Variants in MLH3 observed in about 807,000 individuals in gnomAD.
MLH3 encodes the protein DNA mismatch repair protein Mlh3.
In MLH3, 82 loss-of-function variants were observed where a neutral mutation model predicts 122.2. The observed-to-expected ratio is 0.67, with a 90% CI of 0.56 to 0.81. MLH3 has a LOEUF of 0.81. Ranked by LOEUF, MLH3 falls within the 30% of genes least tolerant of loss-of-function variation. MLH3 has a pLI of 0.00. For missense variants in MLH3, 1,539 were observed against 1,714.5 expected (o/e 0.90, Z 1.81); for synonymous variants, 524 against 599.5 (o/e 0.87, Z 1.84).
Position 75,048,694 on chromosome 14 carries a change from A to G in MLH3, c.962T>C (p.Met321Thr), listed in dbSNP as rs1004768761. ...QCQFCEYDVC[M>T]EPAKTLIEFQ... ...TTCAATCAGAGTTTTGGCTGGCTCC[A>G]TGCACACATCATACTCACAGAATTG... is the stretch of plus-strand genomic sequence containing the variant. Residue 321 changes from methionine to threonine, a missense_variant, in exon 2 of 13, where the codon ATG becomes ACG. Met to Thr is a moderately conservative substitution (Grantham distance 81, BLOSUM62 -1). Transcript: ENST00000355774. The G allele has an allele frequency of 5.6e-6, 9 of 1,614,078 alleles. No individual in the cohort carries two copies. The Admixed American group carries it at 6.7e-5, about 12-fold the overall frequency.
intron 8 of MLH3, 105 bp downstream of exon 8, chr14:75,031,963 T>A: frequency 1.2e-6 from 1 of 821,724 alleles, no homozygotes; most frequent in Non-Finnish European, 2.1e-6. Flanking sequence ...TCTTGTAACC[T>A]CTCTTGGTCT....
At position 75,048,293 on chromosome 14, in the gene MLH3, CT is replaced by C; in HGVS notation, c.1362del (p.Glu455SerfsTer17). ...ESGGPGHSKM[T>X]EPSLQNKDSS... is the part of the protein sequence containing the mutation. Reference sequence around the variant, plus strand: ...CTGTCTTTGTTTTGTAAAGATGGCTCTGTCATTTTGCTATGGCCTGGACCAC... The same window carrying C: ...CTGTCTTTGTTTTGTAAAGATGGCTCGTCATTTTGCTATGGCCTGGACCAC... On this transcript the variant is annotated frameshift_variant, in exon 2 of 13. Transcript: ENST00000355774. LOFTEE classifies it high-confidence loss of function. The C allele has an allele frequency of 6.2e-7, 1 of 1,614,044 alleles. No homozygotes were observed. Among genetic ancestry groups the C allele is most frequent in the Non-Finnish European group, 8.5e-7 (1 of 1,180,020 alleles).
At position 75,048,399 on chromosome 14, in the gene MLH3, G is replaced by A. The variant is rs1594781328; in HGVS notation, c.1257C>T (p.Asn419=). The change falls in exon 2 of 13, where the codon AAC becomes AAT. Residue 419 remains asparagine, a synonymous_variant. Transcript: ENST00000355774. The part of the protein sequence containing the change: ...KAVKRKTTAE[N]VNTQSSRDSE... ...AATCCCTAGAACTCTGTGTGTTTAC[G>A]TTTTCTGCAGTAGTTTTTCTTTTCA... 18 of 1,608,546 alleles carry A rather than the reference G, an allele frequency of 1.1e-5. No individual in the cohort carries two copies. Among genetic ancestry groups the A allele is most frequent in the African/African-American group, 1.3e-5 (1 of 74,468 alleles).
At chr14:75,023,079 G>A in intron 9 of MLH3, 61 bp from the exon 10 acceptor site, 4 of 1,577,344 alleles carry the variant, frequency 2.5e-6, no homozygotes, top group Non-Finnish European at 3.5e-6. Flanking sequence ...CCCTTTGATA[G>A]TTTACAAAAT....
Position 75,015,943 on chromosome 14 carries a change from A to C in MLH3, c.*1139T>G. 1 of 231,874 alleles carries C rather than the reference A, an allele frequency of 4.3e-6. No individual in the cohort carries two copies. 14.4% of individuals were successfully genotyped at this position (231,874 alleles called of 1,614,324 possible). On this transcript the variant is annotated 3_prime_UTR_variant, in exon 13 of 13. Coordinates refer to ENST00000355774, the MANE Select transcript of MLH3 (RefSeq NM_001040108.2). ...GCTGGTCAGGAAATACAAAAGTAGA[A>C]ATTCTCATTGCATCATCTTACTAAT...
chr14:75,033,750 T>C (rs1460576205), intron 6 of MLH3, among the ~76,000 whole-genome samples: 1 of 152,236 alleles, frequency 6.6e-6, no homozygotes, highest in Non-Finnish European at 1.5e-5. Flanking sequence ...CTTTATACTC[T>C]TGCCCCCACC....
At position 75,048,553 on chromosome 14, in the gene MLH3, T is replaced by G; in HGVS notation, c.1103A>C (p.Asp368Ala). Residue 368 changes from aspartate to alanine, a missense_variant, in exon 2 of 13, where the codon GAT (aspartate) becomes GCT (alanine). Physicochemically the swap from Asp to Ala is moderately radical, Grantham distance 126. Coordinates refer to ENST00000355774, the MANE Select transcript of MLH3 (RefSeq NM_001040108.2). ...SGEDIKEFSE[D>A]NGFSLFDATL... ...AGCATCAAATAAACTAAAACCATTA[T>G]CTTCACTAAATTCCTTAATATCCTC... The G allele has an allele frequency of 6.2e-7, 1 of 1,613,394 alleles. No homozygotes were observed. Among genetic ancestry groups the G allele is most frequent in the African/African-American group, 1.3e-5 (1 of 74,976 alleles).
rs1889900637 is a variant in MLH3 at position 75,016,598 on chromosome 14, G to A, written c.*484C>T. The stretch of plus-strand genomic sequence containing the variant: ...ATGTAGCACATGAAGCAGCAGCATA[G>A]GGAAGTGAAGAAGACTGAAGGGAAA... On this transcript the variant is annotated 3_prime_UTR_variant, in exon 13 of 13. Transcript: ENST00000355774. The A allele has an allele frequency of 4.2e-6, 1 of 239,150 alleles. No individual in the cohort carries two copies. The highest frequency in any genetic ancestry group is 2.3e-5 in the African/African-American group (1 of 44,154). 14.8% of individuals were successfully genotyped at this position (239,150 alleles called of 1,614,324 possible).
chr14:75,017,038 A>G lies in MLH3; in HGVS notation c.*44T>C, dbSNP rs1157764136. On this transcript the variant is annotated 3_prime_UTR_variant, in exon 13 of 13. Transcript: ENST00000355774. ...GCTGCTGCTCTCTGCTCAGAGGCAT[A>G]CAGTGAACATCCCTTTGTTCCTTTT... 6.2e-7 allele frequency: 1 copy of G among 1,608,886 alleles called. No homozygotes were observed. Among genetic ancestry groups the G allele is most frequent in the Non-Finnish European group, 8.5e-7 (1 of 1,176,660 alleles).
Position 75,013,827 on chromosome 14 carries a change from G to A in MLH3, c.*3255C>T, listed in dbSNP as rs1889764516. ...GATTCTTCAGCATTTTGTTTTCACA[G>A]ACTCCCTTCTTTTCCCCTCTTCTGG... On this transcript the variant is annotated 3_prime_UTR_variant, in exon 13 of 13. Coordinates refer to ENST00000355774, the MANE Select transcript of MLH3 (RefSeq NM_001040108.2). The A allele has an allele frequency of 4.4e-6, 1 of 225,014 alleles. No individual in the cohort carries two copies. The highest frequency in any genetic ancestry group is 2.2e-5 in the African/African-American group (1 of 44,982). 13.9% of individuals were successfully genotyped at this position (225,014 alleles called of 1,614,324 possible).
chr14:75,038,060 C>T (rs1891543224), intron 6 of MLH3, among the ~76,000 whole-genome samples: 1 of 152,144 alleles, frequency 6.6e-6, no homozygotes, highest in Non-Finnish European at 1.5e-5. Context: ...CCACCATGCC[C>T]AGCTAATTTT....
intron 9 of MLH3, among the ~76,000 whole-genome samples, chr14:75,024,361 C>G (rs1275327877): frequency 6.6e-6 from 1 of 151,992 alleles, no homozygotes; most frequent in African/African-American, 2.4e-5. Flanking sequence ...ACCACCACGC[C>G]TGGCTAATTT....
chr14:75,031,576 G>A (rs1891050917), intron 8 of MLH3, among the ~76,000 whole-genome samples: 1 of 152,230 alleles, frequency 6.6e-6, no homozygotes, highest in South Asian at 2.1e-4. Flanking sequence ...ACTTTGGGAG[G>A]CCAAAGTGGG....
Position 75,014,025 on chromosome 14 carries a change from GT to G in MLH3, c.*3056del. The G allele has an allele frequency of 5.5e-6, 1 of 180,956 alleles. No homozygotes were observed. The allele number at this position is 180,956 out of a possible 1,614,324, so 11.2% of individuals were successfully genotyped here. On this transcript the variant is annotated 3_prime_UTR_variant, in exon 13 of 13. Coordinates refer to ENST00000355774, the MANE Select transcript of MLH3 (RefSeq NM_001040108.2). The stretch of plus-strand genomic sequence containing the variant: ...GTGGAAAACAGGTCGTGGGGGTCAG[GT>G]TTTGGGTGCCTGAAACTGCTCTTCC...
At chr14:75,036,355 T>TTA (rs1418065657) in intron 6 of MLH3, among the ~76,000 whole-genome samples, 7 of 151,786 alleles carry the variant, frequency 4.6e-5, no homozygotes, top group Admixed American at 1.3e-4. Flanking sequence ...ATCTTTTTAT[T>TTA]TTATTTTTTT....
rs1305586258 is a variant in MLH3 at position 75,046,815 on chromosome 14, A to G, written c.2841T>C (p.Phe947=). 4 of 1,614,032 alleles carry G rather than the reference A, an allele frequency of 2.5e-6. No individual in the cohort carries two copies. In the African/African-American group the frequency reaches 5.3e-5, roughly 22 times the overall value. ...TAGAATGTGTTTTACTATTTTTATTAAAGGAATTATCCTGTGTGGCAGAAT... is the reference window on the plus strand; with the variant it reads ...TAGAATGTGTTTTACTATTTTTATTGAAGGAATTATCCTGTGTGGCAGAAT... ...TSDSATQDNS[F]NKNSKTHSNS... is the part of the protein sequence containing the mutation. Residue 947 remains phenylalanine (F), a synonymous_variant, in exon 2 of 13, where the codon TTT becomes TTC. Transcript: ENST00000355774.
intron 7 of MLH3, 76 bp downstream of exon 7, chr14:75,033,343 A>T: frequency 1.8e-6 from 2 of 1,104,222 alleles, no homozygotes; most frequent in South Asian, 2.5e-5. Flanking sequence ...CAACAGTTGC[A>T]GTTAGAAAAG....
At chr14:75,050,490 C>G (rs1037107715) in intron 1 of MLH3, among the ~76,000 whole-genome samples, 4 of 152,152 alleles carry the variant, frequency 2.6e-5, no homozygotes, top group African/African-American at 9.7e-5. Context: ...GCCTGCACCT[C>G]CCGGGCTCAA....
intron 9 of MLH3, among the ~76,000 whole-genome samples, chr14:75,028,119 G>A (rs1323306596): frequency 6.7e-6 from 1 of 149,266 alleles, no homozygotes; most frequent in Non-Finnish European, 1.5e-5. Context: ...TATAAAAAAA[G>A]AAACATATAA....
Sources: allele counts gnomAD v4.1 joint callset (sites outside exome capture counted in the v4.1 genomes callset), GRCh38; gene constraint gnomAD v4.1.1; transcripts MANE v1.5; gene names NCBI Gene and HGNC (gene_info 2026-07-23, HGNC 2026-07-21).